TUT1: variants seen among roughly 807,000 people sequenced by gnomAD.
TUT1 encodes speckle targeted PIP5K1A-regulated poly(A) polymerase.
In TUT1, 26 loss-of-function variants were observed where a neutral mutation model predicts 48.8. The observed-to-expected ratio is 0.53, with a 90% CI of 0.39 to 0.74. TUT1 has a LOEUF of 0.74. Ranked by LOEUF, TUT1 falls within the 30% of genes least tolerant of loss-of-function variation. The pLI is 0.00. For synonymous variants in TUT1, 470 were observed against 460.8 expected (o/e 1.02, Z -0.26); for missense variants, 1,065 against 1,114.8 (o/e 0.96, Z 0.64).
chr11:62,589,368 C>T (rs1941971946), intron 1 of TUT1, 147 bp from the exon 2 acceptor site: 1 of 652,718 alleles, frequency 1.5e-6, no homozygotes, highest in Admixed American at 3.1e-5. Context: ...CTTTCACCTT[C>T]CTCTCTTATA....
intron 2 of TUT1, among the ~76,000 whole-genome samples, chr11:62,585,417 C>G (rs1021131934): frequency 1.3e-5 from 2 of 152,206 alleles, no homozygotes; most frequent in Non-Finnish European, 2.9e-5. Flanking sequence ...AGTACACCAC[C>G]AAGTTTGTAA....
In TUT1 at chr11:62,575,532, C is replaced by A; in HGVS notation, c.2187G>T (p.Gln729His). 1 of 1,613,786 alleles carries A rather than the reference C, an allele frequency of 6.2e-7. No homozygotes were observed. The highest frequency in any genetic ancestry group is 8.5e-7 in the Non-Finnish European group (1 of 1,180,038). ...GKHGAPGEEG[Q>H]PSHAALAERG... ...GCTCTGCCAGGGCTGCGTGGCTGGG[C>A]TGCCCCTCTTCTCCAGGGGCTCCAT... The change falls in exon 9 of 9, where the codon CAG (glutamine) becomes CAT (histidine). Residue 729 changes from glutamine (Q) to histidine (H), a missense_variant. Transcript: ENST00000476907.
At chr11:62,578,492 C>T in intron 5 of TUT1, 69 bp downstream of exon 5, 1 of 1,433,660 alleles carries the variant, frequency 7.0e-7, no homozygotes, top group Non-Finnish European at 9.4e-7. Context: ...TTGCAGAGAG[C>T]CAAGATGGCA....
At chr11:62,577,586 G>GA (rs11389501) in intron 5 of TUT1, among the ~76,000 whole-genome samples, 36,236 of 103,898 alleles carry the variant, frequency 0.35, 5,517 homozygotes, top group Non-Finnish European at 0.43. Context: ...TCCCATGTCA[G>GA]AAAAAAAAAA....
rs575729500 is a variant in TUT1 at position 62,591,459 on chromosome 11, T to A, written c.27A>T (p.Glu9Asp). Residue 9 changes from glutamate to aspartate, a missense_variant, in exon 1 of 9, where the codon GAA becomes GAT. Transcript: ENST00000476907. The part of the protein sequence containing the change: MAAVDSDV[E>D]SLPRGGFRCC... Reference sequence around the variant, plus strand: ...AGCGGAACCCCCCACGCGGCAGCGATTCGACATCCGAATCCACCGCCGCCA... The same window carrying A: ...AGCGGAACCCCCCACGCGGCAGCGAATCGACATCCGAATCCACCGCCGCCA... 3 of 1,611,570 alleles carry A rather than the reference T, an allele frequency of 1.9e-6. No individual in the cohort carries two copies. The Admixed American group carries it at 5.0e-5, about 27-fold the overall frequency.
At chr11:62,576,420 GC>G (rs1355960794) in intron 8 of TUT1, 176 bp from the exon 9 acceptor site, 2 of 860,978 alleles carry the variant, frequency 2.3e-6, no homozygotes, top group Non-Finnish European at 1.7e-6. Context: ...CTCTCTCCCT[GC>G]CCCCACATGA....
intron 4 of TUT1, among the ~76,000 whole-genome samples, chr11:62,579,437 T>C (rs955232626): frequency 3.3e-5 from 5 of 152,212 alleles, no homozygotes; most frequent in Admixed American, 6.5e-5. Flanking sequence ...AATACCTTTG[T>C]TCTTGCATAA....
At chr11:62,581,067 T>C in intron 4 of TUT1, 39 bp downstream of exon 4, 1 of 1,553,342 alleles carries the variant, frequency 6.4e-7, no homozygotes, top group East Asian at 2.2e-5. Context: ...GCCATTCTCA[T>C]GGACTTTTCC....
chr11:62,575,643 C>G lies in TUT1; in HGVS notation c.2076G>C (p.Met692Ile). 3.1e-6 allele frequency: 5 copies of G among 1,614,200 alleles called. No individual in the cohort carries two copies. Among genetic ancestry groups the G allele is most frequent in the Non-Finnish European group, 4.2e-6 (5 of 1,180,042 alleles). The change falls in exon 9 of 9, where the codon ATG becomes ATC. Residue 692 changes from methionine (M) to isoleucine (I), a missense_variant. Coordinates refer to ENST00000476907, the MANE Select transcript of TUT1 (RefSeq NM_022830.3). ...GDGGEDRVEE[M>I]VIEVGEMVQD... is the part of the protein sequence containing the mutation. ...GCACCATCTCTCCAACCTCTATAAC[C>G]ATCTCTTCTACCCTGTCTTCCCCAC...
Position 62,589,105 on chromosome 11 carries a change from C to A in TUT1, c.199G>T (p.Val67Leu). The A allele has an allele frequency of 6.2e-7, 1 of 1,614,260 alleles. No homozygotes were observed. Among genetic ancestry groups the A allele is most frequent in the African/African-American group, 1.3e-5 (1 of 75,072 alleles). The change falls in exon 2 of 9, where the codon GTG (valine) becomes TTG (leucine). Residue 67 changes from valine (V) to leucine (L), a missense_variant. Coordinates refer to ENST00000476907, the MANE Select transcript of TUT1 (RefSeq NM_022830.3). Reference sequence around the variant, plus strand: ...TACTCAGAGAGCTGAGCAGAATCCACATCCCTGGGAAAGCCACTGACAAAC... The same window carrying A: ...TACTCAGAGAGCTGAGCAGAATCCAAATCCCTGGGAAAGCCACTGACAAAC... ...SVFVSGFPRD[V>L]DSAQLSEYFL...
intron 2 of TUT1, chr11:62,582,364 G>C (rs766488303): frequency 4.9e-6 from 1 of 205,318 alleles, no homozygotes; most frequent in Non-Finnish European, 1.0e-5. Context: ...AGATTGCAAT[G>C]AGCCGAGATC....
chr11:62,584,123 T>C (rs555913916), intron 2 of TUT1, among the ~76,000 whole-genome samples: 3 of 151,766 alleles, frequency 2.0e-5, no homozygotes, highest in African/African-American at 4.8e-5. Flanking sequence ...ACTCACTGAA[T>C]TGTATTTTTT....
chr11:62,577,407 T>G, intron 5 of TUT1, 116 bp from the exon 6 acceptor site: 1 of 772,716 alleles, frequency 1.3e-6, no homozygotes, highest in Non-Finnish European at 2.1e-6. Flanking sequence ...CAGAACAGTT[T>G]CCCCAAATGT....
At chr11:62,576,278 C>T in intron 8 of TUT1, 34 bp from the exon 9 acceptor site, 1 of 1,503,668 alleles carries the variant, frequency 6.7e-7, no homozygotes, top group Non-Finnish European at 8.8e-7. Context: ...AAAGGGGGGT[C>T]ACTTAGAGGC....
At position 62,581,112 on chromosome 11, in the gene TUT1, C is replaced by A. The variant is rs776749831; in HGVS notation, c.684G>T (p.Glu228Asp). 4.3e-6 allele frequency: 7 copies of A among 1,613,852 alleles called. No homozygotes were observed. In the Admixed American group the frequency reaches 8.3e-5, roughly 19 times the overall value. The change falls in exon 4 of 9, where the codon GAG becomes GAT. Residue 228 changes from glutamate to aspartate, a missense_variant. By Grantham distance (45) the Glu-to-Asp change is conservative. Coordinates refer to ENST00000476907, the MANE Select transcript of TUT1 (RefSeq NM_022830.3). ...CCCTGGGACACTCACTCACCTGGGGCTCTTCCAAGTCACCCAGATCCAAGA... is the reference window on the plus strand; with the variant it reads ...CCCTGGGACACTCACTCACCTGGGGATCTTCCAAGTCACCCAGATCCAAGA... ...DLFLDLGDLE[E>D]PQPVPKAPES...
At chr11:62,586,787 G>A (rs192211035) in intron 2 of TUT1, among the ~76,000 whole-genome samples, 207 of 151,546 alleles carry the variant, frequency 1.4e-3, no homozygotes, top group African/African-American at 3.5e-3. Flanking sequence ...GTGGTGGCAC[G>A]CGCCTGCAGT....
chr11:62,586,470 G>A (rs1186665186), intron 2 of TUT1, among the ~76,000 whole-genome samples: 1 of 152,180 alleles, frequency 6.6e-6, no homozygotes, highest in Non-Finnish European at 1.5e-5. Context: ...ATGCATAGTA[G>A]TTCCTCAATA....
In TUT1 at chr11:62,575,586, T is replaced by C. The variant is rs2134301849; in HGVS notation, c.2133A>G (p.Pro711=). The change falls in exon 9 of 9, where the codon CCA becomes CCG. Residue 711 remains proline, a synonymous_variant. Transcript: ENST00000476907. Reference sequence around the variant, plus strand: ...TTCCAGTGGTCAGGGGCAGGTCCCCTGGCTGCCCAGGGCTCTGCATGGCCC... The same window carrying C: ...TTCCAGTGGTCAGGGGCAGGTCCCCCGGCTGCCCAGGGCTCTGCATGGCCC... ...QDWAMQSPGQ[P]GDLPLTTGKH... 2 of 1,614,174 alleles carry C rather than the reference T, an allele frequency of 1.2e-6. No homozygotes were observed. The highest frequency in any genetic ancestry group is 1.7e-6 in the Non-Finnish European group (2 of 1,180,030).
rs566117891 is a variant in TUT1, at chr11:62,575,914, G to A, written c.1805C>T (p.Ser602Phe). 1 of 1,614,134 alleles carries A rather than the reference G, an allele frequency of 6.2e-7. No homozygotes were observed. Among genetic ancestry groups the A allele is most frequent in the Non-Finnish European group, 8.5e-7 (1 of 1,179,996 alleles). The change falls in exon 9 of 9, where the codon TCC becomes TTC. Residue 602 changes from serine (S) to phenylalanine (F), a missense_variant. Ser to Phe is a radical substitution (Grantham distance 155). Coordinates refer to ENST00000476907, the MANE Select transcript of TUT1 (RefSeq NM_022830.3). ...LPLLQPSSPS[S>F]LLSATPIPLP... Reference sequence around the variant, plus strand: ...AGGGATCGGCGTAGCAGAGAGCAGGGAGCTGGGGGAGCTGGGCTGCAGAAG... The same window carrying A: ...AGGGATCGGCGTAGCAGAGAGCAGGAAGCTGGGGGAGCTGGGCTGCAGAAG...
Sources: allele counts gnomAD v4.1 joint callset (sites outside exome capture counted in the v4.1 genomes callset), GRCh38; gene constraint gnomAD v4.1.1; transcripts MANE v1.5; gene names NCBI Gene and HGNC (gene_info 2026-07-23, HGNC 2026-07-21).